The following SPAG16 variants were observed in gnomAD, a reference collection of about 807,000 sequenced individuals.
SPAG16 encodes sperm-associated antigen 16 protein.
Under a neutral mutation model 80.4 loss-of-function variants are expected in SPAG16, and 86 were observed. The ratio of observed to expected loss-of-function variants is 1.07; its 90% CI spans 0.90 to 1.28. The LOEUF (loss-of-function observed/expected upper bound fraction) is 1.28. Among genes scored for constraint, SPAG16 ranks in the 50% most tolerant of loss-of-function variants. The probability of loss-of-function intolerance (pLI) is 0.00; values close to 1 mark genes in which losing one functional copy is unlikely to be tolerated. For missense variants in SPAG16, 870 were observed against 765.3 expected (o/e 1.14, Z -1.61); for synonymous variants, 294 against 265.9 (o/e 1.11, Z -1.03).
intron 15 of SPAG16, among the ~76,000 whole-genome samples, chr2:214,226,492 A>G (rs534274582): frequency 1.7e-4 from 26 of 152,232 alleles, no homozygotes; most frequent in African/African-American, 6.3e-4. Context: ...CCACAAACAC[A>G]AAAATCATTA....
intron 12 of SPAG16, among the ~76,000 whole-genome samples, chr2:213,957,930 A>C (rs1009547170): frequency 1.1e-4 from 17 of 152,192 alleles, no homozygotes; most frequent in African/African-American, 3.9e-4. Context: ...AAAAGCCCCG[A>C]CTGGGAGGAG....
chr2:214,128,760 C>A (rs947182924), intron 14 of SPAG16, among the ~76,000 whole-genome samples: 6 of 151,702 alleles, frequency 4.0e-5, no homozygotes, highest in Non-Finnish European at 5.9e-5. Flanking sequence ...ATCAAGTTTA[C>A]CTTGTTGGAT....
At position 213,882,933 on chromosome 2, in the gene SPAG16, C is replaced by T. The variant is rs186461763; in HGVS notation, c.1214+20305C>T. Among the ~76,000 whole-genome samples, 862 of 152,186 alleles carry T rather than the reference C, an allele frequency of 5.7e-3. 13 individuals are homozygous for T. Among genetic ancestry groups the T allele is most frequent in the East Asian group, 0.042 (218 of 5,168 alleles). On this transcript the variant is annotated intron_variant, in intron 11 of 15. Transcript: ENST00000331683. ...CTTCTCCCAGGCTGGAGTGCAGTGG[C>T]GCGATCTCGGCTCACTGCAAGCTCC...
chr2:214,033,252 A>G (rs1038932220), intron 13 of SPAG16, among the ~76,000 whole-genome samples: 2 of 152,164 alleles, frequency 1.3e-5, no homozygotes, highest in Non-Finnish European at 2.9e-5. Flanking sequence ...GGGCAAGGGG[A>G]AATAAGGCCC....
At chr2:213,650,846 A>C (rs1320437201) in intron 10 of SPAG16, among the ~76,000 whole-genome samples, 1 of 152,200 alleles carries the variant, frequency 6.6e-6, no homozygotes, top group Non-Finnish European at 1.5e-5. Flanking sequence ...ATTTGCCTAT[A>C]TGTCCCCATC....
At chr2:213,982,648 T>TGA (rs1553687152) in intron 12 of SPAG16, among the ~76,000 whole-genome samples, 2 of 149,182 alleles carry the variant, frequency 1.3e-5, no homozygotes, top group South Asian at 2.1e-4. Context: ...TGTGTGTGTG[T>TGA]GAAAGACAGA....
chr2:214,164,628 C>A (rs2056576629), intron 15 of SPAG16, among the ~76,000 whole-genome samples: 2 of 152,068 alleles, frequency 1.3e-5, no homozygotes, highest in Admixed American at 1.3e-4. Context: ...TATAAGTTAG[C>A]TCAATTTTTT....
At chr2:213,875,325 A>G (rs2076101604) in intron 11 of SPAG16, among the ~76,000 whole-genome samples, 1 of 152,116 alleles carries the variant, frequency 6.6e-6, no homozygotes, top group Non-Finnish European at 1.5e-5. Context: ...AAGAATTAAG[A>G]TAAGTTTAGA....
At chr2:213,832,676 C>A (rs1049226121) in intron 10 of SPAG16, among the ~76,000 whole-genome samples, 1 of 152,092 alleles carries the variant, frequency 6.6e-6, no homozygotes, top group Non-Finnish European at 1.5e-5. Flanking sequence ...GCTAGGTTTT[C>A]CCCTCAGTCT....
intron 15 of SPAG16, among the ~76,000 whole-genome samples, chr2:214,217,955 T>C (rs570811990): frequency 5.3e-4 from 80 of 152,330 alleles, no homozygotes; most frequent in Non-Finnish European, 9.4e-4. Flanking sequence ...CAAAGACCTT[T>C]GCTTATTTGG....
chr2:213,651,030 A>C (rs1377488224), intron 10 of SPAG16, among the ~76,000 whole-genome samples: 1 of 152,198 alleles, frequency 6.6e-6, no homozygotes. Context: ...ATTTTAGGGA[A>C]GGCTTAGAAC....
At chr2:213,871,357 A>G (rs796294918) in intron 11 of SPAG16, among the ~76,000 whole-genome samples, 11 of 152,134 alleles carry the variant, frequency 7.2e-5, no homozygotes, top group African/African-American at 2.6e-4. Flanking sequence ...AAAGGCTTAC[A>G]TCAACTCAAG....
intron 9 of SPAG16, among the ~76,000 whole-genome samples, chr2:213,462,828 G>A (rs553302207): frequency 1.2e-4 from 19 of 152,152 alleles, no homozygotes; most frequent in Non-Finnish European, 2.5e-4. Flanking sequence ...TGTGAGAATG[G>A]ACTAATGGAC....
intron 12 of SPAG16, among the ~76,000 whole-genome samples, chr2:213,954,696 C>A (rs1017820603): frequency 1.2e-4 from 18 of 152,154 alleles, no homozygotes; most frequent in African/African-American, 4.1e-4. Flanking sequence ...TGCTGGATCC[C>A]ACAGTGACTG....
At chr2:213,777,237 A>ATTTTTTTT (rs59548915) in intron 10 of SPAG16, among the ~76,000 whole-genome samples, 5 of 82,702 alleles carry the variant, frequency 6.0e-5, no homozygotes, top group Non-Finnish European at 8.8e-5. Flanking sequence ...GTTTGTAGGA[A>ATTTTTTTT]TTTTTTTTTT....
chr2:213,617,263 G>A (rs2061628864), intron 10 of SPAG16, among the ~76,000 whole-genome samples: 2 of 152,082 alleles, frequency 1.3e-5, no homozygotes, highest in Admixed American at 1.3e-4. Context: ...AAACAATGAG[G>A]CATTTAAATG....
intron 12 of SPAG16, among the ~76,000 whole-genome samples, chr2:213,999,350 A>G (rs1175983498): frequency 6.6e-6 from 1 of 152,248 alleles, no homozygotes; most frequent in Non-Finnish European, 1.5e-5. Flanking sequence ...TGCAAGCCCC[A>G]GTCCTTGGCA....
At chr2:214,391,420 A>C (rs116401731) in intron 15 of SPAG16, among the ~76,000 whole-genome samples, 2,010 of 152,292 alleles carry the variant, frequency 0.013, 44 homozygotes, top group African/African-American at 0.046. Flanking sequence ...TAAAACTTAG[A>C]TTACCTAATT....
chr2:213,956,235 C>T (rs1340770436), intron 12 of SPAG16, among the ~76,000 whole-genome samples: 2 of 151,948 alleles, frequency 1.3e-5, no homozygotes, highest in Non-Finnish European at 2.9e-5. Context: ...TGATTACAGG[C>T]ATAAGCCACC....
Sources: gnomAD v4.1 joint callset for allele counts (sites outside exome capture counted in the v4.1 genomes callset) on GRCh38, gnomAD v4.1.1 for gene constraint, MANE v1.5 for transcripts, NCBI Gene and HGNC (gene_info 2026-07-23, HGNC 2026-07-21) for gene names.